ARFIP1: variants seen among roughly 807,000 people sequenced by gnomAD.
ARFIP1 encodes arfaptin-1.
Under a neutral mutation model 42.5 loss-of-function variants are expected in ARFIP1, and 24 were observed. That is an observed-to-expected ratio of 0.57 (90% CI 0.41 to 0.80). The LOEUF (loss-of-function observed/expected upper bound fraction) is 0.80, where lower values mean the gene tolerates loss of function less well. Among genes scored for constraint, ARFIP1 ranks in the 30% least tolerant of loss-of-function variants. The pLI is 0.00. For synonymous variants in ARFIP1, 141 were observed against 153.7 expected (o/e 0.92, Z 0.61); for missense variants, 354 against 434.0 (o/e 0.82, Z 1.64).
chr4:152,843,902 G>A (rs867187795), intron 2 of ARFIP1, among the ~76,000 whole-genome samples: 12 of 152,150 alleles, frequency 7.9e-5, no homozygotes, highest in African/African-American at 1.9e-4. Flanking sequence ...CTGCACACGG[G>A]ATTTGTGCCC....
intron 2 of ARFIP1, among the ~76,000 whole-genome samples, chr4:152,849,405 G>A (rs993584844): frequency 6.6e-6 from 1 of 152,040 alleles, no homozygotes; most frequent in African/African-American, 2.4e-5. Flanking sequence ...GGAATATGTC[G>A]TTTTTAAATT....
rs974938991 is a variant in ARFIP1, at chr4:152,910,843, C to T, written c.*624C>T. On this transcript the variant is annotated 3_prime_UTR_variant, in exon 9 of 9. Coordinates refer to ENST00000353617, the MANE Select transcript of ARFIP1 (RefSeq NM_001025595.3). ...TTTTTTTAAAGACACAGAAATCACA[C>T]TGTCATTTCTGTGAGGCTTTTAAGC... 6.6e-6 allele frequency: 1 copy of T among 152,206 alleles called. No homozygotes were observed. The highest frequency in any genetic ancestry group is 2.4e-5 in the African/African-American group (1 of 41,416). 9.4% of individuals were successfully genotyped at this position (152,206 alleles called of 1,614,324 possible).
chr4:152,796,756 T>C lies in ARFIP1; in HGVS notation c.-10+16530T>C. On this transcript the variant is annotated intron_variant, in intron 1 of 8. Transcript: ENST00000353617. ...TGAACATTCTTGAGCTTCTCGACTT[T>C]CCTTCTTTCTCTTTCTCTCATGGTA... is the stretch of plus-strand genomic sequence containing the variant. The C allele has an allele frequency of 4.0e-6, 3 of 753,668 alleles. No homozygotes were observed. In the Admixed American group the frequency reaches 5.5e-5, roughly 14 times the overall value. The allele number at this position is 753,668 out of a possible 1,614,324, so 46.7% of individuals were successfully genotyped here.
At position 152,852,374 on chromosome 4, in the gene ARFIP1, T is replaced by A. The variant is rs1250650091; in HGVS notation, c.94-11232T>A. On this transcript the variant is annotated intron_variant, in intron 2 of 8. Transcript: ENST00000353617. ...GGCCAGGCGCGGTGGCTCATGCCCGTAATCCTAGCACTTTGGGAGGCTGAG... is the reference window on the plus strand; with the variant it reads ...GGCCAGGCGCGGTGGCTCATGCCCGAAATCCTAGCACTTTGGGAGGCTGAG... Among the ~76,000 whole-genome samples the A allele has an allele frequency of 2.6e-5, 4 of 152,298 alleles. No individual in the cohort carries two copies. The East Asian group carries it at 7.7e-4, about 29-fold the overall frequency.
At chr4:152,856,271 A>G (rs573842344) in intron 2 of ARFIP1, among the ~76,000 whole-genome samples, 2 of 152,334 alleles carry the variant, frequency 1.3e-5, no homozygotes, top group African/African-American at 4.8e-5. Flanking sequence ...AATGATTCAG[A>G]TGAGTGTTGT....
At chr4:152,859,433 T>G (rs973099815) in intron 2 of ARFIP1, among the ~76,000 whole-genome samples, 1 of 152,204 alleles carries the variant, frequency 6.6e-6, no homozygotes, top group African/African-American at 2.4e-5. Flanking sequence ...AATCATGTCT[T>G]GAGGTCTAGA....
At chr4:152,823,373 A>G (rs559648659) in intron 1 of ARFIP1, among the ~76,000 whole-genome samples, 2 of 152,350 alleles carry the variant, frequency 1.3e-5, no homozygotes, top group South Asian at 4.1e-4. Flanking sequence ...GAACACATCA[A>G]TAGCAAGCAG....
intron 2 of ARFIP1, among the ~76,000 whole-genome samples, chr4:152,844,729 G>A (rs1732397512): frequency 6.6e-6 from 1 of 151,806 alleles, no homozygotes; most frequent in African/African-American, 2.4e-5. Flanking sequence ...CAAACTAATA[G>A]GAAAACCTTC....
chr4:152,869,757 A>G (rs1734720883), intron 3 of ARFIP1, among the ~76,000 whole-genome samples: 1 of 152,244 alleles, frequency 6.6e-6, no homozygotes, highest in Middle Eastern at 3.4e-3. Flanking sequence ...CTTTGTAGCT[A>G]ATTAAGGCTC....
chr4:152,790,185 T>C (rs1401273046), intron 1 of ARFIP1, among the ~76,000 whole-genome samples: 1 of 152,244 alleles, frequency 6.6e-6, no homozygotes, highest in Non-Finnish European at 1.5e-5. Context: ...AAAAATTACC[T>C]GTGAATATTG....
chr4:152,791,935 A>C lies in ARFIP1; in HGVS notation c.-10+11709A>C, dbSNP rs1731163716. On this transcript the variant is annotated intron_variant, in intron 1 of 8. Coordinates refer to ENST00000353617, the MANE Select transcript of ARFIP1 (RefSeq NM_001025595.3). ...CTGAAGCATTAAAAATAACTTGCAA[A>C]ATAAATATATTCTAATGGTAAAGAA... Among the ~76,000 whole-genome samples the C allele has an allele frequency of 2.0e-5, 3 of 152,314 alleles. No homozygotes were observed. The South Asian group carries it at 6.2e-4, about 32-fold the overall frequency.
Position 152,907,897 on chromosome 4 carries a change from C to A in ARFIP1, c.967-2167C>A, listed in dbSNP as rs368866284. ...CATGCAAGTTTTTCTATGGCAGATT[C>A]TTAGCGGTAAAATTACAGTTCCATA... On this transcript the variant is annotated intron_variant, in intron 8 of 8. Transcript: ENST00000353617. Among the ~76,000 whole-genome samples, 8 of 152,118 alleles carry A rather than the reference C, an allele frequency of 5.3e-5. No individual in the cohort carries two copies. The East Asian group carries it at 1.3e-3, about 26-fold the overall frequency.
chr4:152,885,981 T>C (rs751619764), intron 7 of ARFIP1, among the ~76,000 whole-genome samples: 3 of 151,982 alleles, frequency 2.0e-5, no homozygotes, highest in Non-Finnish European at 4.4e-5. Flanking sequence ...CACAAAGAGA[T>C]GAAATAACCA....
At chr4:152,907,798 G>C (rs1164674795) in intron 8 of ARFIP1, among the ~76,000 whole-genome samples, 1 of 152,034 alleles carries the variant, frequency 6.6e-6, no homozygotes, top group African/African-American at 2.4e-5. Flanking sequence ...ACAACTTTGT[G>C]GTGGTTTTCT....
intron 2 of ARFIP1, among the ~76,000 whole-genome samples, chr4:152,844,798 C>G (rs1159331876): frequency 6.6e-6 from 1 of 152,106 alleles, no homozygotes; most frequent in Non-Finnish European, 1.5e-5. Context: ...CTAAAGCAGT[C>G]TACAGATTCA....
intron 1 of ARFIP1, chr4:152,809,666 T>A (rs140783796): frequency 6.6e-6 from 1 of 152,232 alleles, no homozygotes; most frequent in South Asian, 2.1e-4. Context: ...CTTTGACCCA[T>A]TGACAGGATT....
At chr4:152,906,054 T>G (rs537268839) in intron 8 of ARFIP1, among the ~76,000 whole-genome samples, 17 of 152,324 alleles carry the variant, frequency 1.1e-4, no homozygotes, top group Admixed American at 1.3e-4. Flanking sequence ...TCATTAAGAT[T>G]TTCTCTTATG....
At chr4:152,895,613 T>C (rs1420040943) in intron 8 of ARFIP1, among the ~76,000 whole-genome samples, 2 of 146,148 alleles carry the variant, frequency 1.4e-5, no homozygotes, top group African/African-American at 2.6e-5. Flanking sequence ...CAGGCTAGAG[T>C]ATAGTGGTGT....
intron 5 of ARFIP1, among the ~76,000 whole-genome samples, chr4:152,877,129 AG>A (rs1286105431): frequency 1.3e-5 from 2 of 152,142 alleles, no homozygotes; most frequent in African/African-American, 4.8e-5. Context: ...CTATGAGAAG[AG>A]GGCCACCATC....
Sources: gnomAD v4.1 joint callset for allele counts (sites outside exome capture counted in the v4.1 genomes callset) on GRCh38, gnomAD v4.1.1 for gene constraint, MANE v1.5 for transcripts, NCBI Gene and HGNC (gene_info 2026-07-23, HGNC 2026-07-21) for gene names.